Variants in TRIM24 observed in about 807,000 individuals in gnomAD.
The protein encoded by TRIM24 is transcription intermediary factor 1-alpha.
A neutral mutation model predicts 123.9 loss-of-function variants in TRIM24; 29 were observed. The observed-to-expected ratio is 0.23, with a 90% CI of 0.17 to 0.32. The LOEUF is 0.32. TRIM24 is among the 10% of genes least tolerant of loss of function. The pLI, the probability that TRIM24 is intolerant of heterozygous loss-of-function variation, is 1.00. For synonymous variants in TRIM24, 456 were observed against 461.1 expected (o/e 0.99, Z 0.14); for missense variants, 932 against 1,295.3 (o/e 0.72, Z 4.31).
intron 2 of TRIM24, among the ~76,000 whole-genome samples, chr7:138,507,926 C>T (rs946523826): frequency 1.3e-5 from 2 of 150,634 alleles, no homozygotes; most frequent in African/African-American, 4.9e-5. Context: ...AGAGTGAGAC[C>T]CTATCTCAAA....
At chr7:138,495,504 C>CCTGT (rs1331175646) in intron 1 of TRIM24, among the ~76,000 whole-genome samples, 333 of 152,204 alleles carry the variant, frequency 2.2e-3, no homozygotes, top group African/African-American at 7.1e-3. Flanking sequence ...CAAAAGTAGG[C>CCTGT]TAACAGGCCT....
At chr7:138,537,645 T>G (rs1446065294) in intron 6 of TRIM24, among the ~76,000 whole-genome samples, 2 of 151,988 alleles carry the variant, frequency 1.3e-5, no homozygotes, top group Non-Finnish European at 2.9e-5. Context: ...TTTACAGAGG[T>G]CAAAAATAGT....
At chr7:138,527,352 ACAAT>A (rs1796631901) in intron 5 of TRIM24, among the ~76,000 whole-genome samples, 1 of 152,222 alleles carries the variant, frequency 6.6e-6, no homozygotes, top group Non-Finnish European at 1.5e-5. Context: ...AAAAAATTAA[ACAAT>A]CTTTGTTAAG....
At chr7:138,463,132 C>T (rs1795049851) in intron 1 of TRIM24, among the ~76,000 whole-genome samples, 1 of 143,858 alleles carries the variant, frequency 7.0e-6, no homozygotes, top group African/African-American at 2.6e-5. Flanking sequence ...TCAGGTGATC[C>T]GCCCACCTTG....
At chr7:138,469,053 TG>T (rs1464622819) in intron 1 of TRIM24, among the ~76,000 whole-genome samples, 26 of 152,218 alleles carry the variant, frequency 1.7e-4, no homozygotes, top group Admixed American at 1.7e-3. Context: ...TCTGAAAAGT[TG>T]CCTAAGGTAT....
intron 12 of TRIM24, 54 bp from the exon 13 acceptor site, chr7:138,576,319 T>G: frequency 6.6e-7 from 1 of 1,515,978 alleles, no homozygotes; most frequent in Non-Finnish European, 9.2e-7. Context: ...TCAACAGGAC[T>G]TCAATGCATA....
chr7:138,572,184 A>G (rs550019535), intron 11 of TRIM24, among the ~76,000 whole-genome samples: 2 of 152,260 alleles, frequency 1.3e-5, no homozygotes, highest in South Asian at 2.1e-4. Flanking sequence ...ATAGTTTTGT[A>G]TACTTTAAAT....
chr7:138,515,155 A>C, intron 2 of TRIM24, 57 bp from the exon 3 acceptor site: 1 of 1,570,542 alleles, frequency 6.4e-7, no homozygotes. Context: ...GCATAGCTCG[A>C]GATAGGACCA....
At chr7:138,517,095 A>T in intron 3 of TRIM24, among the ~76,000 whole-genome samples, 1 of 149,742 alleles carries the variant, frequency 6.7e-6, no homozygotes, top group Non-Finnish European at 1.5e-5. Flanking sequence ...ACAGTGTGAG[A>T]TCCTGTCTCC....
At position 138,535,186 on chromosome 7, in the gene TRIM24, GT is replaced by G. The variant is rs1796840569; in HGVS notation, c.997-3467del. On this transcript the variant is annotated intron_variant, in intron 6 of 18. Transcript: ENST00000343526. ...CTTGATCCAATTTGTCAGTCTGTGTGTTTTAATTGGAGCATTTAGCCCATTT... is the reference window on the plus strand; with the variant it reads ...CTTGATCCAATTTGTCAGTCTGTGTGTTTAATTGGAGCATTTAGCCCATTT... Among the ~76,000 whole-genome samples the G allele has an allele frequency of 5.3e-5, 8 of 152,194 alleles. No individual in the cohort carries two copies. The South Asian group carries it at 1.7e-3, about 32-fold the overall frequency.
intron 1 of TRIM24, among the ~76,000 whole-genome samples, chr7:138,462,833 C>T (rs893871297): frequency 3.9e-5 from 6 of 151,960 alleles, no homozygotes; most frequent in African/African-American, 1.5e-4. Flanking sequence ...AAAGTTCGAA[C>T]AGGTGAAAGC....
rs537158165 is a variant in TRIM24, at chr7:138,539,678, A to G, written c.1143+875A>G. 7.2e-5 allele frequency among the ~76,000 whole-genome samples: 11 copies of G among 152,280 alleles called. No individual in the cohort carries two copies. In the East Asian group the frequency reaches 2.1e-3, roughly 29 times the overall value. On this transcript the variant is annotated intron_variant, in intron 7 of 18. Coordinates refer to ENST00000343526, the MANE Select transcript of TRIM24 (RefSeq NM_015905.3). ...GTAAAGCAAATATCATAATAAGCCA[A>G]GCCATACAGTTTTTTTAAGTTTTCC... is the stretch of plus-strand genomic sequence containing the variant.
At chr7:138,518,588 G>A (rs1042165911) in intron 3 of TRIM24, among the ~76,000 whole-genome samples, 1 of 152,112 alleles carries the variant, frequency 6.6e-6, no homozygotes, top group African/African-American at 2.4e-5. Flanking sequence ...TTTTACAAAA[G>A]TGGGTTATTT....
At chr7:138,490,110 A>G (rs1447238627) in intron 1 of TRIM24, among the ~76,000 whole-genome samples, 1 of 152,058 alleles carries the variant, frequency 6.6e-6, no homozygotes, top group Non-Finnish European at 1.5e-5. Flanking sequence ...TTGATCTTCA[A>G]TCACTGATAC....
At chr7:138,568,229 C>T (rs1333174546) in intron 10 of TRIM24, among the ~76,000 whole-genome samples, 1 of 151,888 alleles carries the variant, frequency 6.6e-6, no homozygotes, top group Non-Finnish European at 1.5e-5. Flanking sequence ...CACCATTTCT[C>T]CTGCCTCAGC....
chr7:138,492,717 A>T (rs112564052), intron 1 of TRIM24, among the ~76,000 whole-genome samples: 86 of 152,308 alleles, frequency 5.6e-4, no homozygotes, highest in Middle Eastern at 3.4e-3. Flanking sequence ...AGACGTTGGA[A>T]AATTATAGTT....
intron 7 of TRIM24, among the ~76,000 whole-genome samples, chr7:138,541,341 G>A (rs1796999106): frequency 6.6e-6 from 1 of 152,124 alleles, no homozygotes; most frequent in African/African-American, 2.4e-5. Flanking sequence ...TTCATGGGCT[G>A]CAGAATGGAT....
At chr7:138,526,416 A>T (rs1796611193) in intron 5 of TRIM24, among the ~76,000 whole-genome samples, 2 of 151,324 alleles carry the variant, frequency 1.3e-5, no homozygotes, top group East Asian at 1.9e-4. Flanking sequence ...ATCAGCTCTC[A>T]TTTGTTTTTA....
At chr7:138,568,783 A>G (rs937528138) in intron 10 of TRIM24, among the ~76,000 whole-genome samples, 1 of 152,116 alleles carries the variant, frequency 6.6e-6, no homozygotes, top group Non-Finnish European at 1.5e-5. Context: ...CAAAGCTCCT[A>G]TGACAACAGC....
Sources: gnomAD v4.1 joint callset for allele counts (sites outside exome capture counted in the v4.1 genomes callset) on GRCh38, gnomAD v4.1.1 for gene constraint, MANE v1.5 for transcripts, NCBI Gene and HGNC (gene_info 2026-07-23, HGNC 2026-07-21) for gene names.